The following SCHIP1 variants were observed in gnomAD, a reference collection of about 807,000 sequenced individuals.
The protein encoded by SCHIP1 is schwannomin-interacting protein 1.
In SCHIP1, 8 loss-of-function variants were observed where a neutral mutation model predicts 29.7. That is an observed-to-expected ratio of 0.27 (90% CI 0.16 to 0.49). SCHIP1 has a LOEUF of 0.49. Ranked by LOEUF, SCHIP1 falls within the 20% of genes least tolerant of loss-of-function variation. The pLI is 0.99. For missense variants in SCHIP1, 193 were observed against 294.6 expected (o/e 0.66, Z 2.52); for synonymous variants, 76 against 94.9 (o/e 0.80, Z 1.16).
the SCHIP1 span, among the ~76,000 whole-genome samples, chr3:159,575,531 G>A: frequency 3.9e-5 from 6 of 152,080 alleles, no homozygotes; most frequent in African/African-American, 1.4e-4. Context: ...AATTTCCCAG[G>A]CTCAAGCGAT....
chr3:159,455,258 C>A, the SCHIP1 span, among the ~76,000 whole-genome samples: 3 of 152,052 alleles, frequency 2.0e-5, no homozygotes, highest in Non-Finnish European at 2.9e-5. Flanking sequence ...AGTCAGATGC[C>A]AAGAACATGT....
chr3:159,513,378 TTGA>T, the SCHIP1 span, among the ~76,000 whole-genome samples: 4 of 152,362 alleles, frequency 2.6e-5, no homozygotes, highest in African/African-American at 9.6e-5. Context: ...CTGGATAAGC[TTGA>T]TTCAGGTATT....
chr3:159,610,426 T>C, the SCHIP1 span, among the ~76,000 whole-genome samples: 1 of 152,220 alleles, frequency 6.6e-6, no homozygotes, highest in South Asian at 2.1e-4. Context: ...CCTATTTGGT[T>C]TTTTTCCAAG....
chr3:159,663,562 T>TG, the SCHIP1 span, among the ~76,000 whole-genome samples: 1 of 152,134 alleles, frequency 6.6e-6, no homozygotes, highest in African/African-American at 2.4e-5. Flanking sequence ...ATGTATAAAA[T>TG]GGGGATATTA....
At chr3:159,338,618 C>A in the SCHIP1 span, among the ~76,000 whole-genome samples, 1 of 151,874 alleles carries the variant, frequency 6.6e-6, no homozygotes, top group Non-Finnish European at 1.5e-5. Context: ...GACTTGGGGC[C>A]AAGGGTAGAT....
the SCHIP1 span, among the ~76,000 whole-genome samples, chr3:159,694,507 A>T: frequency 6.6e-6 from 1 of 151,450 alleles, no homozygotes; most frequent in African/African-American, 2.4e-5. Flanking sequence ...CGATAAGAGC[A>T]AAACTCTGCC....
chr3:159,491,429 T>A, the SCHIP1 span, among the ~76,000 whole-genome samples: 1 of 151,968 alleles, frequency 6.6e-6, no homozygotes, highest in Non-Finnish European at 1.5e-5. Flanking sequence ...TTCCAACGGG[T>A]TTAACAAATG....
At chr3:159,421,888 A>G in the SCHIP1 span, among the ~76,000 whole-genome samples, 1 of 152,182 alleles carries the variant, frequency 6.6e-6, no homozygotes, top group African/African-American at 2.4e-5. Context: ...CCCCTCAAGA[A>G]CACAATTAAG....
the SCHIP1 span, among the ~76,000 whole-genome samples, chr3:159,622,704 G>A: frequency 1.3e-5 from 2 of 152,100 alleles, no homozygotes; most frequent in East Asian, 3.9e-4. Context: ...GGATCACGAG[G>A]TCAGGAGATC....
the SCHIP1 span, among the ~76,000 whole-genome samples, chr3:159,437,360 G>T: frequency 3.3e-5 from 5 of 152,126 alleles, no homozygotes; most frequent in East Asian, 5.8e-4. Flanking sequence ...AATAGGTAAA[G>T]GTTCCTCCTC....
At chr3:159,806,198 T>C in the SCHIP1 span, among the ~76,000 whole-genome samples, 1 of 142,382 alleles carries the variant, frequency 7.0e-6, no homozygotes, top group African/African-American at 2.5e-5. Flanking sequence ...CAACCCCAAA[T>C]ACACATCTAA....
chr3:159,291,328 C>T, the SCHIP1 span, among the ~76,000 whole-genome samples: 76 of 152,154 alleles, frequency 5.0e-4, 1 homozygote, highest in African/African-American at 1.8e-3. Flanking sequence ...GAGCAACACT[C>T]TTTAAAAATA....
chr3:159,332,593 C>T, the SCHIP1 span, among the ~76,000 whole-genome samples: 1 of 152,092 alleles, frequency 6.6e-6, no homozygotes, highest in Non-Finnish European at 1.5e-5. Flanking sequence ...ATGAGCCCTG[C>T]AAGGTTTGGT....
chr3:159,387,374 G>C, the SCHIP1 span: 2 of 385,864 alleles, frequency 5.2e-6, no homozygotes, highest in African/African-American at 2.1e-5. Context: ...CCAGGGACTT[G>C]ATCTTCATGT....
At chr3:159,487,479 A>C in the SCHIP1 span, among the ~76,000 whole-genome samples, 2 of 152,108 alleles carry the variant, frequency 1.3e-5, 1 homozygote, top group South Asian at 4.1e-4. Flanking sequence ...AGGAGCAGCC[A>C]CCCACATTTC....
At chr3:159,588,930 T>C in the SCHIP1 span, among the ~76,000 whole-genome samples, 1 of 152,226 alleles carries the variant, frequency 6.6e-6, no homozygotes, top group Admixed American at 6.5e-5. Flanking sequence ...GGCTTAGGAT[T>C]GTCTTGGCAA....
intron 2 of SCHIP1, among the ~76,000 whole-genome samples, chr3:159,880,871 G>A (rs1312610941): frequency 6.6e-6 from 1 of 152,268 alleles, no homozygotes; most frequent in African/African-American, 2.4e-5. Flanking sequence ...CTAAAATATA[G>A]CATTGTATTT....
the SCHIP1 span, among the ~76,000 whole-genome samples, chr3:159,350,443 G>A: frequency 6.6e-6 from 1 of 152,010 alleles, no homozygotes; most frequent in Non-Finnish European, 1.5e-5. Flanking sequence ...TTGAAATCGA[G>A]GCTATTAAAC....
At chr3:159,284,851 GTTAAT>G in the SCHIP1 span, among the ~76,000 whole-genome samples, 1 of 151,996 alleles carries the variant, frequency 6.6e-6, no homozygotes, top group Non-Finnish European at 1.5e-5. Flanking sequence ...TTAATGCATA[GTTAAT>G]TTATTTGTTT....
Sources: gnomAD v4.1 joint callset for allele counts (sites outside exome capture counted in the v4.1 genomes callset) on GRCh38, gnomAD v4.1.1 for gene constraint, MANE v1.5 for transcripts, NCBI Gene and HGNC (gene_info 2026-07-23, HGNC 2026-07-21) for gene names.